The following SGCZ variants were observed in gnomAD, a reference collection of about 807,000 sequenced individuals.
SGCZ encodes the protein sarcoglycan zeta.
Under a neutral mutation model 41.3 loss-of-function variants are expected in SGCZ, and 40 were observed. The ratio of observed to expected loss-of-function variants is 0.97; its 90% CI spans 0.75 to 1.26. The LOEUF is 1.26. SGCZ is among the 50% of genes most tolerant of loss of function. The probability of loss-of-function intolerance (pLI) is 0.00; values close to 1 mark genes in which losing one functional copy is unlikely to be tolerated. For synonymous variants in SGCZ, 206 were observed against 137.5 expected (o/e 1.50, Z -3.49); for missense variants, 552 against 369.8 (o/e 1.49, Z -4.04).
chr8:15,078,379 T>G (rs938439040), intron 1 of SGCZ, among the ~76,000 whole-genome samples: 1 of 151,826 alleles, frequency 6.6e-6, no homozygotes, highest in African/African-American at 2.4e-5. Context: ...CCATACTCAG[T>G]AATAACAAAT....
intron 2 of SGCZ, among the ~76,000 whole-genome samples, chr8:14,468,837 T>C (rs991181273): frequency 6.6e-6 from 1 of 152,092 alleles, no homozygotes; most frequent in African/African-American, 2.4e-5. Context: ...TAACCTCAGA[T>C]AAATCAAGCT....
intron 1 of SGCZ, among the ~76,000 whole-genome samples, chr8:15,155,173 T>C (rs1462540857): frequency 6.6e-6 from 1 of 152,114 alleles, no homozygotes; most frequent in African/African-American, 2.4e-5. Context: ...TGCACGCCTA[T>C]AGTCCCAGCT....
At chr8:15,006,612 A>G (rs1370847021) in intron 1 of SGCZ, among the ~76,000 whole-genome samples, 2 of 152,238 alleles carry the variant, frequency 1.3e-5, no homozygotes, top group Non-Finnish European at 2.9e-5. Flanking sequence ...TTAAGAGTTA[A>G]TAAATTTACA....
intron 2 of SGCZ, among the ~76,000 whole-genome samples, chr8:14,352,530 A>G (rs1487364862): frequency 2.0e-5 from 3 of 152,092 alleles, no homozygotes; most frequent in African/African-American, 7.2e-5. Flanking sequence ...ATGACAGCAC[A>G]CTGAATATTA....
At chr8:14,400,498 A>G (rs1345077986) in intron 2 of SGCZ, among the ~76,000 whole-genome samples, 2 of 152,150 alleles carry the variant, frequency 1.3e-5, no homozygotes, top group Non-Finnish European at 2.9e-5. Flanking sequence ...TCTTTGGTAT[A>G]TGCCTAAGGG....
chr8:15,212,341 G>A (rs1801259715), intron 1 of SGCZ, among the ~76,000 whole-genome samples: 1 of 152,032 alleles, frequency 6.6e-6, no homozygotes, highest in Non-Finnish European at 1.5e-5. Context: ...GCCACACACT[G>A]GTGGATTCAC....
chr8:15,122,531 C>T (rs184113968), intron 1 of SGCZ, among the ~76,000 whole-genome samples: 20 of 152,098 alleles, frequency 1.3e-4, no homozygotes, highest in African/African-American at 3.1e-4. Context: ...AAATGATTGA[C>T]GGTTGAAGAT....
intron 2 of SGCZ, among the ~76,000 whole-genome samples, chr8:14,397,079 G>C (rs77758020): frequency 0.039 from 5,923 of 151,964 alleles, 351 homozygotes; most frequent in African/African-American, 0.13. Flanking sequence ...TCCTCTCAAC[G>C]TTACGTAAAT....
chr8:14,775,472 T>A (rs1018527799), intron 1 of SGCZ, among the ~76,000 whole-genome samples: 3 of 151,528 alleles, frequency 2.0e-5, no homozygotes, highest in African/African-American at 7.3e-5. Flanking sequence ...TGTGTGTGTG[T>A]GTGTGTGTGT....
At chr8:14,915,482 C>G (rs991465836) in intron 1 of SGCZ, among the ~76,000 whole-genome samples, 9 of 152,064 alleles carry the variant, frequency 5.9e-5, no homozygotes, top group Non-Finnish European at 7.4e-5. Flanking sequence ...TCAGCTTGCA[C>G]GGGTGAATGC....
At chr8:14,639,239 C>G (rs181918190) in intron 1 of SGCZ, among the ~76,000 whole-genome samples, 43 of 151,498 alleles carry the variant, frequency 2.8e-4, no homozygotes, top group Middle Eastern at 3.4e-3. Context: ...TTAGGAGAGG[C>G]AGCAATCCAC....
intron 1 of SGCZ, among the ~76,000 whole-genome samples, chr8:14,613,916 G>T (rs1471085654): frequency 1.3e-5 from 2 of 152,094 alleles, no homozygotes; most frequent in Admixed American, 6.6e-5. Context: ...AAATCTAGCA[G>T]ACGTTATCTT....
chr8:14,581,903 A>G (rs1313104170), intron 1 of SGCZ, among the ~76,000 whole-genome samples: 1 of 152,158 alleles, frequency 6.6e-6, no homozygotes, highest in African/African-American at 2.4e-5. Flanking sequence ...ACACACTTAT[A>G]AGCAGACTTT....
intron 2 of SGCZ, among the ~76,000 whole-genome samples, chr8:14,408,952 A>AGTGTGTGTGTGTGTGT (rs67492518): frequency 6.7e-6 from 1 of 149,452 alleles, no homozygotes; most frequent in African/African-American, 2.5e-5. Flanking sequence ...AAATTAAGAG[A>AGTGTGTGTGTGTGTGT]GTGTGTGTGT....
chr8:14,983,913 A>G (rs1177704681), intron 1 of SGCZ, among the ~76,000 whole-genome samples: 2 of 152,182 alleles, frequency 1.3e-5, no homozygotes, highest in Non-Finnish European at 2.9e-5. Flanking sequence ...TTTATTATAA[A>G]TGTACCACAA....
chr8:15,095,997 A>C (rs1214581880), intron 1 of SGCZ, among the ~76,000 whole-genome samples: 1 of 152,188 alleles, frequency 6.6e-6, no homozygotes, highest in Non-Finnish European at 1.5e-5. Context: ...TGTTTTGAAC[A>C]ACAAAAATGT....
intron 3 of SGCZ, among the ~76,000 whole-genome samples, chr8:14,249,140 T>C (rs1799201760): frequency 6.6e-6 from 1 of 152,164 alleles, no homozygotes; most frequent in Non-Finnish European, 1.5e-5. Flanking sequence ...GAAGATTTTC[T>C]TCCTCCCCAG....
At chr8:14,125,065 A>G (rs1034510899) in intron 5 of SGCZ, among the ~76,000 whole-genome samples, 4 of 152,198 alleles carry the variant, frequency 2.6e-5, no homozygotes, top group African/African-American at 9.6e-5. Flanking sequence ...AGAATAAAAT[A>G]CCAAGGAATA....
At chr8:14,828,649 G>A (rs1585298436) in intron 1 of SGCZ, among the ~76,000 whole-genome samples, 1 of 152,160 alleles carries the variant, frequency 6.6e-6, no homozygotes, top group Non-Finnish European at 1.5e-5. Flanking sequence ...AGGTGAAACT[G>A]CTCCAGTCAA....
Sources: gnomAD v4.1 joint callset for allele counts (sites outside exome capture counted in the v4.1 genomes callset) on GRCh38, gnomAD v4.1.1 for gene constraint, MANE v1.5 for transcripts, NCBI Gene and HGNC (gene_info 2026-07-23, HGNC 2026-07-21) for gene names.